LAMA2: variants seen among roughly 807,000 people sequenced by gnomAD.
LAMA2 encodes laminin subunit alpha 2, also known as laminin subunit alpha-2.
In LAMA2, 269 loss-of-function variants were observed where a neutral mutation model predicts 364.8. The ratio of observed to expected loss-of-function variants is 0.74; its 90% CI spans 0.67 to 0.82. The LOEUF is 0.82. Ranked by LOEUF, LAMA2 falls within the 40% of genes least tolerant of loss-of-function variation. LAMA2 has a pLI of 0.00. For synonymous variants in LAMA2, 1,379 were observed against 1,370.6 expected, an observed-to-expected ratio of 1.01 and a Z score of -0.14; for missense variants, 3,807 against 3,873.2, an observed-to-expected ratio of 0.98 and a Z score of 0.45.
chr6:129,388,105 A>G (rs1779116318), intron 35 of LAMA2, among the ~76,000 whole-genome samples: 1 of 152,098 alleles, frequency 6.6e-6, no homozygotes, highest in Non-Finnish European at 1.5e-5. Context: ...TAAAAATACA[A>G]AAATCAGCTG....
intron 33 of LAMA2, among the ~76,000 whole-genome samples, chr6:129,367,740 A>G (rs879787250): frequency 6.6e-6 from 1 of 152,260 alleles, no homozygotes; most frequent in Non-Finnish European, 1.5e-5. Flanking sequence ...AATAACTAAC[A>G]TTTATTGAAA....
At chr6:129,080,700 C>A (rs1773989749) in intron 3 of LAMA2, among the ~76,000 whole-genome samples, 1 of 152,314 alleles carries the variant, frequency 6.6e-6, no homozygotes, top group Admixed American at 6.5e-5. Flanking sequence ...GAGATACCAT[C>A]CCACACCAGT....
chr6:129,069,826 A>G (rs1773191909), intron 3 of LAMA2, among the ~76,000 whole-genome samples: 1 of 139,588 alleles, frequency 7.2e-6, no homozygotes, highest in Non-Finnish European at 1.6e-5. Flanking sequence ...ATAATATTGT[A>G]TAATATATAA....
intron 1 of LAMA2, among the ~76,000 whole-genome samples, chr6:128,988,855 G>A (rs1029683596): frequency 5.3e-5 from 8 of 152,038 alleles, no homozygotes; most frequent in Admixed American, 3.3e-4. Flanking sequence ...CAAATTAATA[G>A]GATACTGAAT....
At position 129,315,511 on chromosome 6, in the gene LAMA2, G is replaced by T; in HGVS notation, c.3591G>T (p.Leu1197=). ...TLKAEQTILP[L]VDEALQHTTT... ...AGGCTGAGCAGACCATTCTACCCCT[G>T]GTAGATGAGGCTCTGCAGCACACGA... Residue 1197 remains leucine (L), a synonymous_variant, in exon 25 of 65, where the codon CTG becomes CTT. Coordinates refer to ENST00000421865, the MANE Select transcript of LAMA2 (RefSeq NM_000426.4). The T allele has an allele frequency of 6.2e-7, 1 of 1,614,096 alleles. No homozygotes were observed. The highest frequency in any genetic ancestry group is 2.2e-5 in the East Asian group (1 of 44,878).
At chr6:128,911,323 AG>A (rs1777928372) in intron 1 of LAMA2, among the ~76,000 whole-genome samples, 1 of 152,180 alleles carries the variant, frequency 6.6e-6, no homozygotes, top group Non-Finnish European at 1.5e-5. Flanking sequence ...AGCCAGGTGC[AG>A]GATATAATCT....
chr6:128,917,362 A>G (rs1778389048), intron 1 of LAMA2, among the ~76,000 whole-genome samples: 1 of 152,110 alleles, frequency 6.6e-6, no homozygotes, highest in Non-Finnish European at 1.5e-5. Flanking sequence ...TTAAAAGTGT[A>G]TTCTGCATTC....
rs570315016 is a variant in LAMA2 at position 129,181,228 on chromosome 6, A to G, written c.1467+3362A>G. Among the ~76,000 whole-genome samples, 5 of 152,226 alleles carry G rather than the reference A, an allele frequency of 3.3e-5. No individual in the cohort carries two copies. In the South Asian group the frequency reaches 8.3e-4, roughly 25 times the overall value. ...AATAATACAGCCTCAACTGAAAATGATCTCATCACAAAGCAAGTAAAGTAC... is the reference window on the plus strand; with the variant it reads ...AATAATACAGCCTCAACTGAAAATGGTCTCATCACAAAGCAAGTAAAGTAC... On this transcript the variant is annotated intron_variant, in intron 10 of 64. Coordinates refer to ENST00000421865, the MANE Select transcript of LAMA2 (RefSeq NM_000426.4).
At chr6:129,034,820 C>A (rs1254422668) in intron 1 of LAMA2, among the ~76,000 whole-genome samples, 1 of 152,134 alleles carries the variant, frequency 6.6e-6, no homozygotes, top group Non-Finnish European at 1.5e-5. Context: ...TTTTTTATGG[C>A]TGCACAGTAT....
At chr6:129,400,471 T>G (rs1779907017) in intron 37 of LAMA2, among the ~76,000 whole-genome samples, 1 of 152,152 alleles carries the variant, frequency 6.6e-6, no homozygotes, top group Admixed American at 6.5e-5. Context: ...AAACTATAAG[T>G]GGTCAAAGCT....
rs71028142 is a variant in LAMA2, at chr6:129,048,553, C to CTTTCTTTCTT, written c.113-1364_113-1363insTTCTTTCTTT. Among the ~76,000 whole-genome samples the CTTTCTTTCTT allele has an allele frequency of 2.2e-3, 107 of 48,820 alleles. 2 individuals carry two copies. The highest frequency in any genetic ancestry group is 4.0e-3 in the African/African-American group (69 of 17,420). The allele number at this position is 48,820 out of a possible 152,430, so 32.0% of individuals were successfully genotyped here. A position where few individuals can be genotyped will look rare whatever the true frequency, so the allele number is the denominator to read the frequency against. Reference sequence around the variant, plus strand: ...CCTTCCTTCCTTCCTTTCTTTCTTTCTCTCTCTCTCTCTCTTTCTTTCTCC... The same window carrying CTTTCTTTCTT: ...CCTTCCTTCCTTCCTTTCTTTCTTTCTTTCTTTCTTTCTCTCTCTCTCTCTTTCTTTCTCC... On this transcript the variant is annotated intron_variant, in intron 1 of 64. Coordinates refer to ENST00000421865, the MANE Select transcript of LAMA2 (RefSeq NM_000426.4).
intron 29 of LAMA2, among the ~76,000 whole-genome samples, chr6:129,338,671 A>G (rs1454257411): frequency 6.6e-6 from 1 of 152,202 alleles, no homozygotes; most frequent in African/African-American, 2.4e-5. Context: ...CAGTCATTCA[A>G]AATAGTCATC....
chr6:129,040,787 G>A (rs538005766), intron 1 of LAMA2, among the ~76,000 whole-genome samples: 1 of 152,250 alleles, frequency 6.6e-6, no homozygotes, highest in African/African-American at 2.4e-5. Context: ...TGTCACTGCT[G>A]GAGAAAACCA....
chr6:129,092,845 T>G (rs971152560), intron 3 of LAMA2, among the ~76,000 whole-genome samples: 1 of 152,180 alleles, frequency 6.6e-6, no homozygotes, highest in African/African-American at 2.4e-5. Flanking sequence ...GAGATCAGCC[T>G]AAGGAAACAG....
intron 34 of LAMA2, among the ~76,000 whole-genome samples, chr6:129,382,460 G>C (rs1778746557): frequency 6.6e-6 from 1 of 152,292 alleles, no homozygotes; most frequent in African/African-American, 2.4e-5. Flanking sequence ...GGGAGGTGGG[G>C]CTGTTTTGGG....
intron 34 of LAMA2, among the ~76,000 whole-genome samples, chr6:129,372,755 A>G (rs983155889): frequency 2.0e-5 from 3 of 152,202 alleles, no homozygotes; most frequent in Non-Finnish European, 4.4e-5. Context: ...TCTATTTTGC[A>G]TTCCCACCGG....
At chr6:129,206,706 CCTTA>C in intron 12 of LAMA2, among the ~76,000 whole-genome samples, 1 of 152,330 alleles carries the variant, frequency 6.6e-6, no homozygotes, top group Admixed American at 6.5e-5. Flanking sequence ...TGCTCTCTTT[CCTTA>C]CTTTTTCTAA....
At chr6:129,260,312 A>G (rs1015511616) in intron 14 of LAMA2, among the ~76,000 whole-genome samples, 1 of 152,158 alleles carries the variant, frequency 6.6e-6, no homozygotes, top group Non-Finnish European at 1.5e-5. Flanking sequence ...TGGAATATTA[A>G]TATTGCCTAC....
At chr6:129,293,689 GA>G (rs1789880188) in intron 20 of LAMA2, among the ~76,000 whole-genome samples, 1 of 151,954 alleles carries the variant, frequency 6.6e-6, no homozygotes, top group Non-Finnish European at 1.5e-5. Flanking sequence ...GAGGGAAGAA[GA>G]GGTCCCAGGC....
Sources: gnomAD v4.1 joint callset for allele counts (sites outside exome capture counted in the v4.1 genomes callset) on GRCh38, gnomAD v4.1.1 for gene constraint, MANE v1.5 for transcripts, NCBI Gene and HGNC (gene_info 2026-07-23, HGNC 2026-07-21) for gene names.